The following PAMR1 variants were observed in gnomAD, a reference collection of about 807,000 sequenced individuals.
PAMR1 encodes the protein inactive serine protease PAMR1.
In PAMR1, 88 loss-of-function variants were observed where a neutral mutation model predicts 81.8. That is an observed-to-expected ratio of 1.08 (90% CI 0.91 to 1.28). The LOEUF (loss-of-function observed/expected upper bound fraction) is 1.28. Among genes scored for constraint, PAMR1 ranks in the 50% most tolerant of loss-of-function variants. PAMR1 has a pLI of 0.00. For synonymous variants in PAMR1, 336 were observed against 345.3 expected, an observed-to-expected ratio of 0.97 and a Z score of 0.30; for missense variants, 935 against 919.7, an observed-to-expected ratio of 1.02 and a Z score of -0.21.
At chr11:35,464,728 A>G (rs951965854) in intron 6 of PAMR1, among the ~76,000 whole-genome samples, 15 of 152,178 alleles carry the variant, frequency 9.9e-5, no homozygotes, top group Non-Finnish European at 1.9e-4. Flanking sequence ...CAATGCTTCC[A>G]CTGGGAACCA....
chr11:35,523,109 C>A (rs1327929184), intron 1 of PAMR1, among the ~76,000 whole-genome samples: 4 of 152,170 alleles, frequency 2.6e-5, no homozygotes, highest in African/African-American at 9.6e-5. Flanking sequence ...AAAATCCACC[C>A]GTGCCAAGAA....
intron 1 of PAMR1, among the ~76,000 whole-genome samples, chr11:35,502,494 A>C (rs1190277788): frequency 6.7e-6 from 1 of 150,308 alleles, no homozygotes; most frequent in Non-Finnish European, 1.5e-5. Flanking sequence ...CCCACTCATA[A>C]GTGAGAACAT....
chr11:35,445,568 AG>A (rs1356539180), intron 6 of PAMR1, among the ~76,000 whole-genome samples: 2 of 141,126 alleles, frequency 1.4e-5, no homozygotes, highest in African/African-American at 5.5e-5. Context: ...ATTTTATCAA[AG>A]GCTTTTCTGT....
At chr11:35,482,687 G>A (rs188485578) in intron 3 of PAMR1, among the ~76,000 whole-genome samples, 1 of 152,186 alleles carries the variant, frequency 6.6e-6, no homozygotes, top group Non-Finnish European at 1.5e-5. Flanking sequence ...GTTTTTCCAT[G>A]TGTTTGTGTC....
chr11:35,501,731 A>G (rs1850848434), intron 1 of PAMR1, among the ~76,000 whole-genome samples: 1 of 152,180 alleles, frequency 6.6e-6, no homozygotes, highest in Non-Finnish European at 1.5e-5. Flanking sequence ...GATAACCTTC[A>G]GTTCTATCCA....
Position 35,432,712 on chromosome 11 carries a change from C to T in PAMR1, c.1807G>A (p.Val603Ile). 6.2e-7 allele frequency: 1 copy of T among 1,613,948 alleles called. No homozygotes were observed. Among genetic ancestry groups the T allele is most frequent in the Non-Finnish European group, 8.5e-7 (1 of 1,179,862 alleles). The change falls in exon 11 of 11, where the codon GTC (valine) becomes ATC (isoleucine). Residue 603 changes from valine (V) to isoleucine (I), a missense_variant. By Grantham distance (29) the Val-to-Ile change is conservative. Transcript: ENST00000619888. Reference protein sequence around the residue: ...ESHITVAGWNVLADVRSPGFK... With the variant: ...ESHITVAGWNILADVRSPGFK... ...CCAGGGCTCCTCACGTCTGCCAGGA[C>T]ATTCCAGCCAGCCACAGTGATGTGG... is the stretch of plus-strand genomic sequence containing the variant.
intron 9 of PAMR1, among the ~76,000 whole-genome samples, chr11:35,435,438 C>T (rs1444328681): frequency 1.3e-5 from 2 of 152,086 alleles, no homozygotes; most frequent in East Asian, 1.9e-4. Context: ...GAGCTCCTGA[C>T]CTCAAATGAC....
intron 4 of PAMR1, among the ~76,000 whole-genome samples, chr11:35,472,284 CAGTTTTTTCCGAAGCT>C (rs1280137351): frequency 6.6e-6 from 1 of 152,224 alleles, no homozygotes; most frequent in Admixed American, 6.5e-5. Context: ...ACAGAAGCCA[CAGTTTTTTCCGAAGCT>C]GAAGAGATAG....
intron 3 of PAMR1, among the ~76,000 whole-genome samples, chr11:35,491,728 A>T (rs899684719): frequency 6.6e-6 from 1 of 152,188 alleles, no homozygotes; most frequent in South Asian, 2.1e-4. Flanking sequence ...ATTTCTGAAG[A>T]CTTATTCACT....
chr11:35,464,041 C>G (rs1208671055), intron 6 of PAMR1, among the ~76,000 whole-genome samples: 1 of 152,150 alleles, frequency 6.6e-6, no homozygotes, highest in Non-Finnish European at 1.5e-5. Context: ...TCTAAATTGC[C>G]AAAACCTTTT....
At chr11:35,525,442 G>A in intron 1 of PAMR1, 71 bp downstream of exon 1, 2 of 1,312,502 alleles carry the variant, frequency 1.5e-6, no homozygotes, top group African/African-American at 1.5e-5. Context: ...CTGCTCCCAG[G>A]CAGACCCCAG....
At chr11:35,478,458 T>A (rs893900768) in intron 3 of PAMR1, among the ~76,000 whole-genome samples, 1 of 152,086 alleles carries the variant, frequency 6.6e-6, no homozygotes, top group Non-Finnish European at 1.5e-5. Context: ...GGCCCCAAGA[T>A]GGGGAACAAC....
At chr11:35,466,183 G>A (rs990704130) in intron 6 of PAMR1, among the ~76,000 whole-genome samples, 2 of 151,884 alleles carry the variant, frequency 1.3e-5, no homozygotes, top group Non-Finnish European at 2.9e-5. Flanking sequence ...CAAGAATCTA[G>A]AATCGCTCTA....
chr11:35,447,449 C>T (rs868507579), intron 6 of PAMR1, among the ~76,000 whole-genome samples: 16 of 151,956 alleles, frequency 1.1e-4, no homozygotes, highest in East Asian at 3.9e-4. Context: ...ATGATCTGTC[C>T]GCCTCGGCCT....
At chr11:35,482,050 T>C (rs763264808) in intron 3 of PAMR1, among the ~76,000 whole-genome samples, 1 of 152,230 alleles carries the variant, frequency 6.6e-6, no homozygotes. Flanking sequence ...TTAGGTCCCA[T>C]TTGTCAATTT....
intron 1 of PAMR1, among the ~76,000 whole-genome samples, chr11:35,516,180 C>T (rs775563230): frequency 2.8e-4 from 43 of 152,084 alleles, no homozygotes; most frequent in African/African-American, 4.8e-5. Flanking sequence ...GCCACATCAG[C>T]GAGGGGAAGT....
chr11:35,445,015 T>C (rs1337276666), intron 6 of PAMR1, among the ~76,000 whole-genome samples: 1 of 152,220 alleles, frequency 6.6e-6, no homozygotes, highest in Non-Finnish European at 1.5e-5. Flanking sequence ...TCTGATTTCC[T>C]TGAGCAGTGG....
intron 9 of PAMR1, 70 bp downstream of exon 9, chr11:35,435,833 G>C: frequency 8.6e-7 from 1 of 1,166,838 alleles, no homozygotes; most frequent in South Asian, 1.2e-5. Flanking sequence ...AAAAAGTAGG[G>C]TTAATGGTTT....
Position 35,441,563 on chromosome 11 carries a change from G to A in PAMR1, c.951C>T (p.Asn317=). Residue 317 remains asparagine (N), a synonymous_variant, in exon 7 of 11, where the codon AAC becomes AAT. Coordinates refer to ENST00000619888, the MANE Select transcript of PAMR1 (RefSeq NM_001001991.3). ...TCTCATTGCCACTAAGAACATAGGA[G>A]TTGTTACAAAAGAAAGACACCACGG... ...IGTVVSFFCN[N]SYVLSGNEKR... 2 of 1,613,950 alleles carry A rather than the reference G, an allele frequency of 1.2e-6. No homozygotes were observed. Among genetic ancestry groups the A allele is most frequent in the Non-Finnish European group, 1.7e-6 (2 of 1,179,868 alleles).
Sources: allele counts gnomAD v4.1 joint callset (sites outside exome capture counted in the v4.1 genomes callset), GRCh38; gene constraint gnomAD v4.1.1; transcripts MANE v1.5; gene names NCBI Gene and HGNC (gene_info 2026-07-23, HGNC 2026-07-21).